Variants in BCL7C observed in about 807,000 individuals in gnomAD.
BCL7C encodes B-cell CLL/lymphoma 7 protein family member C.
BCL7C carries 8 observed loss-of-function variants against 26.2 expected under a neutral mutation model. That is an observed-to-expected ratio of 0.30 (90% CI 0.18 to 0.55). The LOEUF is 0.55. BCL7C is among the 20% of genes least tolerant of loss of function. The pLI, the probability that BCL7C is intolerant of heterozygous loss-of-function variation, is 0.93. For synonymous variants in BCL7C, 90 were observed against 116.5 expected (o/e 0.77, Z 1.47); for missense variants, 262 against 298.5 (o/e 0.88, Z 0.90).
intron 5 of BCL7C, among the ~76,000 whole-genome samples, chr16:30,862,913 C>T (rs1351657619): frequency 6.6e-6 from 1 of 152,198 alleles, no homozygotes; most frequent in Non-Finnish European, 1.5e-5. Context: ...GCTGCTCCCA[C>T]ACTAGCTCTC....
chr16:30,889,086 G>T, intron 4 of BCL7C, 141 bp from the exon 5 acceptor site: 1 of 756,664 alleles, frequency 1.3e-6, no homozygotes, highest in Admixed American at 2.4e-5. Context: ...CAGGAACCTG[G>T]CTGTGCCCCA....
At chr16:30,840,065 C>A (rs925508733) in intron 5 of BCL7C, among the ~76,000 whole-genome samples, 2 of 152,082 alleles carry the variant, frequency 1.3e-5, no homozygotes, top group African/African-American at 4.8e-5. Context: ...GACCTTCCCC[C>A]ACCTCCTGAC....
chr16:30,892,754 G>A lies in BCL7C; in HGVS notation c.281-7C>T. 1.2e-6 allele frequency: 2 copies of A among 1,614,152 alleles called. No individual in the cohort carries two copies. The highest frequency in any genetic ancestry group is 1.7e-6 in the Non-Finnish European group (2 of 1,180,016). On this transcript the variant is annotated splice_polypyrimidine_tract_variant and splice_region_variant and intron_variant, in intron 3 of 5. Coordinates refer to ENST00000215115, the MANE Select transcript of BCL7C (RefSeq NM_004765.4). The stretch of plus-strand genomic sequence containing the variant: ...CTCTGGTTGCTGTTCTCATCTGCGG[G>A]AGCAAGAGCCGAGATGGTTGGCCTG...
At chr16:30,856,715 T>A (rs553530180) in intron 5 of BCL7C, among the ~76,000 whole-genome samples, 3 of 152,182 alleles carry the variant, frequency 2.0e-5, no homozygotes, top group Non-Finnish European at 4.4e-5. Flanking sequence ...GCTCTATGTG[T>A]GTGTCTCAGT....
intron 5 of BCL7C, among the ~76,000 whole-genome samples, chr16:30,838,101 G>C (rs1248270268): frequency 6.6e-6 from 1 of 152,188 alleles, no homozygotes; most frequent in South Asian, 2.1e-4. Context: ...CTCAATTCAG[G>C]GCACAGGCAC....
intron 4 of BCL7C, among the ~76,000 whole-genome samples, chr16:30,890,288 A>C (rs1321942045): frequency 1.3e-5 from 2 of 151,936 alleles, no homozygotes; most frequent in African/African-American, 2.4e-5. Flanking sequence ...CCAGCTACTC[A>C]GGAGGCTGAG....
At chr16:30,883,793 A>G (rs1027565606), downstream of BCL7C, among the ~76,000 whole-genome samples, 9 of 145,884 alleles carry the variant, frequency 6.2e-5, no homozygotes, top group Admixed American at 5.4e-4. Context: ...CTGGGATTAC[A>G]GGTGTGAGCC....
At chr16:30,854,707 C>CTT (rs71149058) in intron 5 of BCL7C, among the ~76,000 whole-genome samples, 4,827 of 145,186 alleles carry the variant, frequency 0.033, 120 homozygotes, top group Non-Finnish European at 0.048. Flanking sequence ...CACTCACTTT[C>CTT]TTTTTTTTTT....
At position 30,887,866 on chromosome 16, in the gene BCL7C, C is replaced by G; in HGVS notation, c.653G>C (p.Ter218SerextTer?). 2 of 1,573,724 alleles carry G rather than the reference C, an allele frequency of 1.3e-6. No homozygotes were observed. The highest frequency in any genetic ancestry group is 1.7e-6 in the Non-Finnish European group (2 of 1,163,760). Reference protein sequence around the residue: ...KRICPNAPDP* With the variant: ...KRICPNAPDPS ...CAACAGGACAGGCAGGCCGGCTTCT[C>G]AGGGGTCAGGGGCATTTGGGCAGAT... Residue 218 changes from the stop codon to serine (S), a stop_lost, in exon 6 of 6, where the codon TGA becomes TCA. Coordinates refer to ENST00000215115, the MANE Select transcript of BCL7C (RefSeq NM_004765.4).
rs181762980 is a variant in BCL7C, at chr16:30,864,470, A to G, written c.528+24390T>C. On this transcript the variant is annotated intron_variant, in intron 5 of 5. Coordinates refer to the BCL7C transcript ENST00000380317. Reference sequence around the variant, plus strand: ...AAATGCTCCTTCTAACAACCCCACAATATCACCCCTTACCCCAAAATCTTT... The same window carrying G: ...AAATGCTCCTTCTAACAACCCCACAGTATCACCCCTTACCCCAAAATCTTT... Among the ~76,000 whole-genome samples the G allele has an allele frequency of 2.0e-5, 3 of 152,140 alleles. No individual in the cohort carries two copies. In the East Asian group the frequency reaches 5.8e-4, roughly 29 times the overall value.
intron 5 of BCL7C, among the ~76,000 whole-genome samples, chr16:30,869,379 T>G (rs2054862843): frequency 6.6e-6 from 1 of 151,928 alleles, no homozygotes; most frequent in Non-Finnish European, 1.5e-5. Context: ...CAGCTCATTT[T>G]TTTTTACTTT....
downstream of BCL7C, among the ~76,000 whole-genome samples, chr16:30,887,573 G>C (rs1159143747): frequency 6.6e-6 from 1 of 151,986 alleles, no homozygotes; most frequent in Non-Finnish European, 1.5e-5. Flanking sequence ...GAGGGGTCCT[G>C]GGCCTCCCAG....
Position 30,834,648 on chromosome 16 carries a change from C to T in BCL7C, c.*300G>A, listed in dbSNP as rs192771817. ...CGCTGGGAGGGTGGCCGCATGGGTG[C>T]GTGAGGAGGTGGGCGAGGCAGCCCA... On this transcript the variant is annotated 3_prime_UTR_variant, in exon 6 of 6. Coordinates refer to the BCL7C transcript ENST00000380317. The surrounding 1 kb of genome is among the most constrained non-coding windows in gnomAD (Gnocchi z 4.3). 1.2e-5 allele frequency: 3 copies of T among 245,174 alleles called. No individual in the cohort carries two copies. Among genetic ancestry groups the T allele is most frequent in the Non-Finnish European group, 2.4e-5 (3 of 127,276 alleles). The allele number at this position is 245,174 out of a possible 1,614,324, so 15.2% of individuals were successfully genotyped here. A position where few individuals can be genotyped will look rare whatever the true frequency, so the allele number is the denominator to read the frequency against.
chr16:30,854,707 CT>C (rs71149058), intron 5 of BCL7C, among the ~76,000 whole-genome samples: 24 of 145,236 alleles, frequency 1.7e-4, no homozygotes, highest in Admixed American at 2.0e-4. Context: ...CACTCACTTT[CT>C]TTTTTTTTTT....
downstream of BCL7C, among the ~76,000 whole-genome samples, chr16:30,883,449 C>T (rs2143107597): frequency 1.3e-5 from 2 of 149,896 alleles, no homozygotes; most frequent in South Asian, 4.3e-4. Context: ...CTCCTGGGCT[C>T]AAGCGAGCCT....
chr16:30,852,125 A>C (rs553668817), intron 5 of BCL7C: 36 of 156,996 alleles, frequency 2.3e-4, no homozygotes, highest in Middle Eastern at 1.8e-3. Context: ...ATGGCCAGAC[A>C]CTATGCTTCT....
chr16:30,893,077 G>A lies in BCL7C; in HGVS notation c.172-129C>T. The A allele has an allele frequency of 1.6e-6, 2 of 1,221,374 alleles. No homozygotes were observed. The highest frequency in any genetic ancestry group is 2.2e-5 in the Admixed American group (1 of 44,952). The allele number at this position is 1,221,374 out of a possible 1,614,324, so 75.7% of individuals were successfully genotyped here. On this transcript the variant is annotated intron_variant, in intron 2 of 5. Transcript: ENST00000215115. This position sits in a 1 kb window ranked among gnomAD's most constrained non-coding sequence, Gnocchi z 5.2. ...GAGCAGAAAAGAGGGCAAAAGGGGA[G>A]GAGCTGCTAATGATGGTTCCCGTCT...
intron 5 of BCL7C, among the ~76,000 whole-genome samples, chr16:30,838,868 AT>A (rs2151358973): frequency 6.6e-6 from 1 of 152,376 alleles, no homozygotes; most frequent in East Asian, 1.9e-4. Context: ...TTAATAATGC[AT>A]TATAGCATTT....
chr16:30,866,224 G>A (rs1026529935), intron 5 of BCL7C, among the ~76,000 whole-genome samples: 11 of 151,994 alleles, frequency 7.2e-5, no homozygotes, highest in Admixed American at 1.3e-4. Flanking sequence ...TATTTACCAT[G>A]TATCCATAGA....
Sources: gnomAD v4.1 joint callset for allele counts (sites outside exome capture counted in the v4.1 genomes callset) on GRCh38, gnomAD v4.1.1 for gene constraint, Gnocchi (gnomAD v3.1) non-coding constraint, MANE v1.5 for transcripts, NCBI Gene and HGNC (gene_info 2026-07-23, HGNC 2026-07-21) for gene names.